Variants in CFAP44 observed in about 807,000 individuals in gnomAD.
CFAP44 encodes the protein cilia- and flagella-associated protein 44.
Under a neutral mutation model 216.2 loss-of-function variants are expected in CFAP44, and 134 were observed. That is an observed-to-expected ratio of 0.62 (90% CI 0.54 to 0.72). The LOEUF (loss-of-function observed/expected upper bound fraction) is 0.72. Among genes scored for constraint, CFAP44 ranks in the 30% least tolerant of loss-of-function variants. The probability of loss-of-function intolerance (pLI) is 0.00; values close to 1 mark genes in which losing one functional copy is unlikely to be tolerated. For synonymous variants in CFAP44, 700 were observed against 727.6 expected (o/e 0.96, Z 0.61); for missense variants, 2,035 against 2,182.1 (o/e 0.93, Z 1.34).
chr3:113,325,468 A>G (rs1012824332), intron 28 of CFAP44, among the ~76,000 whole-genome samples: 2 of 151,726 alleles, frequency 1.3e-5, no homozygotes, highest in African/African-American at 2.4e-5. Flanking sequence ...TTTTGGAGAC[A>G]GGGTCTTGCT....
intron 30 of CFAP44, 58 bp from the exon 31 acceptor site, chr3:113,305,210 G>T: frequency 7.1e-7 from 1 of 1,413,162 alleles, no homozygotes; most frequent in Non-Finnish European, 9.7e-7. Flanking sequence ...TACATCTAAA[G>T]ATGGTGAATG....
Position 113,420,123 on chromosome 3 carries a change from C to T in CFAP44, c.464G>A (p.Ser155Asn), listed in dbSNP as rs1366870717. 7 of 1,613,856 alleles carry T rather than the reference C, an allele frequency of 4.3e-6. No individual in the cohort carries two copies. In the South Asian group the frequency reaches 6.6e-5, roughly 15 times the overall value. Reference sequence around the variant, plus strand: ...GTTCCCAGCTATGTATATGGCGATACTGTCGTCCAGAAGTTGTAGGTTGGC... The same window carrying T: ...GTTCCCAGCTATGTATATGGCGATATTGTCGTCCAGAAGTTGTAGGTTGGC... ...KRANLQLLDD[S>N]IAIYIAGNQL... is the part of the protein sequence containing the mutation. Residue 155 changes from serine (S) to asparagine (N), a missense_variant, in exon 5 of 35, where the codon AGT becomes AAT. This residue lies in a region of CFAP44 where 1,883 missense variants were observed against 2,023.7 expected (regional missense o/e 0.93). Transcript: ENST00000393845.
Position 113,316,825 on chromosome 3 carries a change from C to T in CFAP44, c.4517-8557G>A, listed in dbSNP as rs1030613605. On this transcript the variant is annotated intron_variant, in intron 28 of 34. Coordinates refer to ENST00000393845, the MANE Select transcript of CFAP44 (RefSeq NM_001164496.2). ...CGGAGGTTGCAGTGAGCCAAGATCACGCCACTGCACTCCAGCCTGGGCAAC... is the reference window on the plus strand; with the variant it reads ...CGGAGGTTGCAGTGAGCCAAGATCATGCCACTGCACTCCAGCCTGGGCAAC... Among the ~76,000 whole-genome samples, 16 of 149,994 alleles carry T rather than the reference C, an allele frequency of 1.1e-4. 1 individual carries two copies. The highest frequency in any genetic ancestry group is 1.6e-4 in the Non-Finnish European group (11 of 67,658).
intron 1 of CFAP44, among the ~76,000 whole-genome samples, chr3:113,436,306 T>C (rs1935240483): frequency 6.6e-6 from 1 of 152,148 alleles, no homozygotes; most frequent in Non-Finnish European, 1.5e-5. Context: ...AATGACCACA[T>C]ACTGTGGGTA....
chr3:113,411,905 T>C (rs1187425520), intron 6 of CFAP44, among the ~76,000 whole-genome samples: 2 of 150,118 alleles, frequency 1.3e-5, no homozygotes, highest in East Asian at 2.0e-4. Context: ...TTTGAAGCAA[T>C]TGTGAATGGG....
chr3:113,302,457 T>TAAAAAAAAAAAAAAAAAAA (rs60866565), intron 32 of CFAP44, among the ~76,000 whole-genome samples: 48 of 75,786 alleles, frequency 6.3e-4, no homozygotes, highest in Non-Finnish European at 8.8e-4. Flanking sequence ...CTAGACAAAG[T>TAAAAAAAAAAAAAAAAAAA]AAAAAAAAAA....
Position 113,344,686 on chromosome 3 carries a change from G to T in CFAP44, c.3092C>A (p.Thr1031Asn), listed in dbSNP as rs1010047216. 1.1e-5 allele frequency: 16 copies of T among 1,512,952 alleles called. No homozygotes were observed. The highest frequency in any genetic ancestry group is 1.4e-5 in the Non-Finnish European group (16 of 1,138,636). The allele number at this position is 1,512,952 out of a possible 1,614,324, so 93.7% of individuals were successfully genotyped here. Residue 1031 changes from threonine (T) to asparagine (N), a missense_variant, in exon 23 of 35, where the codon ACT (threonine) becomes AAT (asparagine). Thr to Asn is a moderately conservative substitution (Grantham distance 65). Around this residue, in one of 3 missense-constraint regions of CFAP44, gnomAD observed 1,883 missense variants for 2,023.7 expected, o/e 0.93. Transcript: ENST00000393845. ...ACTCAGTATGGCATGAACCACAATA[G>T]TATCACTTTCCAGTGGATCTCGAAA... is the stretch of plus-strand genomic sequence containing the variant. ...NRFRDPLESD[T>N]IVVHAILSDH... is the part of the protein sequence containing the mutation.
chr3:113,411,800 T>C (rs1164656232), intron 6 of CFAP44, among the ~76,000 whole-genome samples: 2 of 152,258 alleles, frequency 1.3e-5, no homozygotes, highest in Admixed American at 6.5e-5. Flanking sequence ...CATTTGTTTG[T>C]GTCCTCTTTT....
At chr3:113,373,674 C>T in intron 17 of CFAP44, 118 bp from the exon 18 acceptor site, 6 of 804,378 alleles carry the variant, frequency 7.5e-6, no homozygotes, top group Non-Finnish European at 1.1e-5. Flanking sequence ...CAAACATCTA[C>T]TTCTACATAA....
At chr3:113,397,788 A>C (rs1443741253) in intron 13 of CFAP44, among the ~76,000 whole-genome samples, 1 of 152,152 alleles carries the variant, frequency 6.6e-6, no homozygotes, top group Non-Finnish European at 1.5e-5. Flanking sequence ...ACTGGAAGGG[A>C]GCCAGGTGTG....
intron 13 of CFAP44, among the ~76,000 whole-genome samples, chr3:113,398,156 T>C (rs936805916): frequency 6.6e-6 from 1 of 152,130 alleles, no homozygotes; most frequent in Middle Eastern, 3.2e-3. Flanking sequence ...ATAGAGGCAC[T>C]GGAGATGCAA....
chr3:113,328,696 T>TAAAAAAAAAAAA (rs58650082), intron 26 of CFAP44, among the ~76,000 whole-genome samples: 11 of 28,468 alleles, frequency 3.9e-4, no homozygotes, highest in Admixed American at 1.1e-3. Flanking sequence ...TTAGAGAGCT[T>TAAAAAAAAAAAA]AAAAAAAAAA....
At chr3:113,318,949 TAAAAAAACAA>T (rs1050450827) in intron 28 of CFAP44, among the ~76,000 whole-genome samples, 37 of 127,154 alleles carry the variant, frequency 2.9e-4, no homozygotes, top group Non-Finnish European at 4.9e-4. Context: ...GACTCAAAAA[TAAAAAAACAA>T]AAAAAAACAA....
chr3:113,420,260 ATCTATAC>A (rs1934778043), intron 4 of CFAP44, 81 bp from the exon 5 acceptor site: 1 of 1,374,902 alleles, frequency 7.3e-7, no homozygotes, highest in Non-Finnish European at 9.6e-7. Context: ...AAATTTTTAA[ATCTATAC>A]TCTTAGATGA....
chr3:113,437,559 T>C (rs1275748511), intron 1 of CFAP44, among the ~76,000 whole-genome samples: 2 of 152,244 alleles, frequency 1.3e-5, no homozygotes, highest in African/African-American at 4.8e-5. Flanking sequence ...ACCCAGTTAA[T>C]GTCAGGTTGT....
At chr3:113,378,864 T>C (rs1028832552) in intron 17 of CFAP44, among the ~76,000 whole-genome samples, 10 of 152,104 alleles carry the variant, frequency 6.6e-5, no homozygotes, top group African/African-American at 2.2e-4. Context: ...CACAGCATAG[T>C]TGTAGATAAT....
chr3:113,371,151 T>C (rs571622830), intron 18 of CFAP44, among the ~76,000 whole-genome samples: 56 of 152,252 alleles, frequency 3.7e-4, no homozygotes, highest in African/African-American at 1.3e-3. Flanking sequence ...CATGGCCATA[T>C]TGTCCAAGGT....
intron 15 of CFAP44, among the ~76,000 whole-genome samples, chr3:113,392,704 A>G (rs1196183237): frequency 6.7e-6 from 1 of 149,014 alleles, no homozygotes; most frequent in Admixed American, 6.8e-5. Context: ...ATCCACAAAA[A>G]TTACAAATAA....
rs1950232371 is a variant in CFAP44 at position 113,330,527 on chromosome 3, T to G, written c.3757A>C (p.Ile1253Leu). ...GGGTGTATCTGAGGAATTTTGGGAATGGGTATGTGCTTGGATATGTGAAGA... is the reference window on the plus strand; with the variant it reads ...GGGTGTATCTGAGGAATTTTGGGAAGGGGTATGTGCTTGGATATGTGAAGA... ...STLHISKHIPIPKIPQIHPEE... is the reference protein window; with the variant it reads ...STLHISKHIPLPKIPQIHPEE... The change falls in exon 26 of 35, where the codon ATT becomes CTT. Residue 1253 changes from isoleucine (I) to leucine (L), a missense_variant. Physicochemically the swap from Ile to Leu is conservative, Grantham distance 5. Around this residue, in one of 3 missense-constraint regions of CFAP44, gnomAD observed 1,883 missense variants for 2,023.7 expected, o/e 0.93. Transcript: ENST00000393845. 1 of 1,537,254 alleles carries G rather than the reference T, an allele frequency of 6.5e-7. No individual in the cohort carries two copies. Among genetic ancestry groups the G allele is most frequent in the African/African-American group, 1.4e-5 (1 of 73,156 alleles).
Sources: allele counts gnomAD v4.1 joint callset (sites outside exome capture counted in the v4.1 genomes callset), GRCh38; gene constraint gnomAD v4.1.1; regional missense constraint gnomAD v4.1.1; transcripts MANE v1.5; gene names NCBI Gene and HGNC (gene_info 2026-07-23, HGNC 2026-07-21).